The following LEF1 variants were observed in gnomAD, a reference collection of about 807,000 sequenced individuals.
The protein encoded by LEF1 is lymphoid enhancer-binding factor 1.
In LEF1, 14 loss-of-function variants were observed where a neutral mutation model predicts 51.2. The observed-to-expected ratio is 0.27, with a 90% confidence interval of 0.18 to 0.43. LEF1 has a LOEUF of 0.43. LEF1 is among the 20% of genes least tolerant of loss of function. The pLI, the probability that LEF1 is intolerant of heterozygous loss-of-function variation, is 1.00. For synonymous variants in LEF1, 185 were observed against 183.2 expected, an observed-to-expected ratio of 1.01 and a Z score of -0.08; for missense variants, 386 against 512.0, an observed-to-expected ratio of 0.75 and a Z score of 2.37.
chr4:108,123,432 GTTTTTTTTTTTTT>G (rs34015287), intron 3 of LEF1, among the ~76,000 whole-genome samples: 8 of 72,382 alleles, frequency 1.1e-4, no homozygotes, highest in African/African-American at 5.2e-4. Context: ...GCTAGGGTTG[GTTTTTTTTTTTTT>G]TTTTTTTTTT....
intron 3 of LEF1, among the ~76,000 whole-genome samples, chr4:108,146,127 C>T (rs1459084064): frequency 6.6e-6 from 1 of 152,234 alleles, no homozygotes; most frequent in Non-Finnish European, 1.5e-5. Flanking sequence ...GAAAAGCTCT[C>T]CTGGACATGT....
chr4:108,161,209 T>C (rs1364616069), intron 3 of LEF1, among the ~76,000 whole-genome samples: 2 of 152,176 alleles, frequency 1.3e-5, no homozygotes, highest in African/African-American at 4.8e-5. Context: ...TAAAAACAGC[T>C]GTTAGGTATT....
At chr4:108,117,880 A>G (rs558638803) in intron 3 of LEF1, among the ~76,000 whole-genome samples, 2 of 152,374 alleles carry the variant, frequency 1.3e-5, no homozygotes, top group East Asian at 1.9e-4. Flanking sequence ...GCTCAGGAAG[A>G]TAACAGGACT....
chr4:108,089,627 T>A lies in LEF1; in HGVS notation c.415-370A>T, dbSNP rs1464110584. ...AAAGAGCGAATTACAGCAAAATTTATGAATGTTTTACAACATTTGTATTCA... is the reference window on the plus strand; with the variant it reads ...AAAGAGCGAATTACAGCAAAATTTAAGAATGTTTTACAACATTTGTATTCA... On this transcript the variant is annotated intron_variant, in intron 3 of 11. Transcript: ENST00000265165. Among the ~76,000 whole-genome samples, 4 of 152,218 alleles carry A rather than the reference T, an allele frequency of 2.6e-5. No individual in the cohort carries two copies. The South Asian group carries it at 8.3e-4, about 32-fold the overall frequency.
In LEF1 at chr4:108,167,532, A is replaced by G. The variant is rs760317880; in HGVS notation, c.213+23T>C. The stretch of plus-strand genomic sequence containing the variant: ...CCCAGGGACCCGCCACGCCTCTCGG[A>G]ACTGGGGCAGCGGCCCGCTCACCTC... On this transcript the variant is annotated intron_variant, in intron 1 of 11. Transcript: ENST00000265165. This position sits in a 1 kb window ranked among gnomAD's most constrained non-coding sequence, Gnocchi z 5.7. 1 of 1,612,398 alleles carries G rather than the reference A, an allele frequency of 6.2e-7. No individual in the cohort carries two copies. The highest frequency in any genetic ancestry group is 2.2e-5 in the East Asian group (1 of 44,864).
At chr4:108,112,071 G>A (rs1398667621) in intron 3 of LEF1, among the ~76,000 whole-genome samples, 6 of 152,082 alleles carry the variant, frequency 3.9e-5, no homozygotes, top group South Asian at 2.1e-4. Context: ...CAAAGAGCTC[G>A]GCTGTTGGAA....
chr4:108,069,972 A>C (rs951432761), intron 9 of LEF1, among the ~76,000 whole-genome samples: 1 of 140,968 alleles, frequency 7.1e-6, no homozygotes, highest in African/African-American at 2.6e-5. Context: ...AAAAAAAAAA[A>C]CGCAAAATAA....
intron 3 of LEF1, among the ~76,000 whole-genome samples, chr4:108,117,739 G>T (rs1342574996): frequency 2.0e-5 from 3 of 152,154 alleles, no homozygotes; most frequent in African/African-American, 7.2e-5. Flanking sequence ...GCAGGGAGGG[G>T]ATCAGGGTGG....
intron 3 of LEF1, among the ~76,000 whole-genome samples, chr4:108,118,230 T>A (rs1478001969): frequency 6.6e-6 from 1 of 152,238 alleles, no homozygotes; most frequent in Non-Finnish European, 1.5e-5. Context: ...TTCTAAAAGA[T>A]GAGCTTATTA....
intron 3 of LEF1, among the ~76,000 whole-genome samples, chr4:108,143,982 G>A (rs902050115): frequency 6.6e-6 from 1 of 152,032 alleles, no homozygotes; most frequent in Non-Finnish European, 1.5e-5. Context: ...TTCAGGAAGG[G>A]AAAAATAATC....
intron 3 of LEF1, among the ~76,000 whole-genome samples, chr4:108,161,723 A>T (rs1367838999): frequency 6.6e-6 from 1 of 152,182 alleles, no homozygotes; most frequent in Non-Finnish European, 1.5e-5. Context: ...TTGATTTTTT[A>T]AAATTACCAT....
At chr4:108,153,849 A>C (rs1355314944) in intron 3 of LEF1, among the ~76,000 whole-genome samples, 4 of 152,216 alleles carry the variant, frequency 2.6e-5, no homozygotes, top group Non-Finnish European at 5.9e-5. Context: ...TTATTAATAG[A>C]AAAAGATATA....
chr4:108,073,833 C>CGT lies in LEF1; in HGVS notation c.1009-3064_1009-3063insAC, dbSNP rs1560769458. The stretch of plus-strand genomic sequence containing the variant: ...TTAAGTCCTCTGATAACCCCCCCCC[C>CGT]TTTTTTTTTTGAGACAGAGTCTCGC... On this transcript the variant is annotated intron_variant, in intron 8 of 11. Transcript: ENST00000265165. 2.8e-5 allele frequency among the ~76,000 whole-genome samples: 4 copies of CGT among 144,026 alleles called. No individual in the cohort carries two copies. In the East Asian group the frequency reaches 8.1e-4, roughly 29 times the overall value. The allele number at this position is 144,026 out of a possible 152,430, so 94.5% of individuals were successfully genotyped here. A position where few individuals can be genotyped will look rare whatever the true frequency, so the allele number is the denominator to read the frequency against.
intron 6 of LEF1, among the ~76,000 whole-genome samples, chr4:108,081,283 T>TC (rs1739281616): frequency 6.6e-6 from 1 of 152,160 alleles, no homozygotes; most frequent in South Asian, 2.1e-4. Flanking sequence ...TCTTGTAATG[T>TC]CCGCTTTCCG....
In LEF1 at chr4:108,127,197, G is replaced by C. The variant is rs545893411; in HGVS notation, c.414+36371C>G. The stretch of plus-strand genomic sequence containing the variant: ...GGCCAAGAACAGAATGCTAAAACTG[G>C]GGAGAGGCTCAGTGATCAGACGTGG... On this transcript the variant is annotated intron_variant, in intron 3 of 11. Transcript: ENST00000265165. 2.0e-3 allele frequency among the ~76,000 whole-genome samples: 303 copies of C among 152,254 alleles called. 3 individuals carry two copies. The highest frequency in any genetic ancestry group is 4.1e-4 in the Non-Finnish European group (28 of 68,022).
At chr4:108,133,721 G>C (rs1201867255) in intron 3 of LEF1, among the ~76,000 whole-genome samples, 1 of 152,130 alleles carries the variant, frequency 6.6e-6, no homozygotes, top group East Asian at 1.9e-4. Context: ...GGACTTTAGA[G>C]GTCCAGTTTC....
chr4:108,156,111 A>T (rs1413214964), intron 3 of LEF1, among the ~76,000 whole-genome samples: 1 of 152,242 alleles, frequency 6.6e-6, no homozygotes, highest in Non-Finnish European at 1.5e-5. Context: ...TTTTCTTTTT[A>T]CTAGTATTGT....
chr4:108,060,745 G>A (rs998435743), intron 11 of LEF1, among the ~76,000 whole-genome samples: 2 of 151,804 alleles, frequency 1.3e-5, no homozygotes, highest in African/African-American at 4.8e-5. Flanking sequence ...ATATTTTCCT[G>A]TTTGTTTTTT....
chr4:108,083,123 A>G (rs1739422484), intron 5 of LEF1: 2 of 532,266 alleles, frequency 3.8e-6, no homozygotes, highest in Middle Eastern at 5.1e-4. Context: ...ATAAGCTTCA[A>G]AGCAAATGCT....
Sources: gnomAD v4.1 joint callset for allele counts (sites outside exome capture counted in the v4.1 genomes callset) on GRCh38, gnomAD v4.1.1 for gene constraint, Gnocchi (gnomAD v3.1) non-coding constraint, MANE v1.5 for transcripts, NCBI Gene and HGNC (gene_info 2026-07-23, HGNC 2026-07-21) for gene names.